GATAD2B: variants seen among roughly 807,000 people sequenced by gnomAD.
GATAD2B encodes the protein GATA zinc finger domain containing 2B.
In GATAD2B, 8 loss-of-function variants were observed where a neutral mutation model predicts 64.3. The observed-to-expected ratio is 0.12, with a 90% CI of 0.07 to 0.22. GATAD2B has a LOEUF of 0.22. Among genes scored for constraint, GATAD2B ranks in the 10% least tolerant of loss-of-function variants. The pLI is 1.00. For missense variants in GATAD2B, 453 were observed against 752.0 expected, an observed-to-expected ratio of 0.60 and a Z score of 4.65; for synonymous variants, 281 against 271.3, an observed-to-expected ratio of 1.04 and a Z score of -0.35.
chr1:153,826,491 G>A (rs1259802705), intron 2 of GATAD2B, among the ~76,000 whole-genome samples: 1 of 152,128 alleles, frequency 6.6e-6, no homozygotes, highest in Non-Finnish European at 1.5e-5. Flanking sequence ...AGCTGGGTGT[G>A]CAGGCACGCG....
At chr1:153,891,021 TA>T (rs1279889222) in intron 1 of GATAD2B, among the ~76,000 whole-genome samples, 2 of 151,644 alleles carry the variant, frequency 1.3e-5, no homozygotes, top group East Asian at 3.9e-4. Context: ...CCGTCTCTAC[TA>T]AAAATACAAA....
intron 2 of GATAD2B, among the ~76,000 whole-genome samples, chr1:153,821,809 G>T (rs1470897600): frequency 6.6e-6 from 1 of 150,784 alleles, no homozygotes; most frequent in Non-Finnish European, 1.5e-5. Context: ...CTCGTGATCT[G>T]CCTGCCTTGG....
At chr1:153,831,691 G>T (rs1675080712) in intron 1 of GATAD2B, among the ~76,000 whole-genome samples, 2 of 152,032 alleles carry the variant, frequency 1.3e-5, no homozygotes, top group Admixed American at 1.3e-4. Context: ...TCAGATGGAG[G>T]GACTAGAAAG....
intron 1 of GATAD2B, among the ~76,000 whole-genome samples, chr1:153,839,960 C>T (rs904351941): frequency 1.3e-5 from 2 of 150,774 alleles, no homozygotes; most frequent in Non-Finnish European, 2.9e-5. Flanking sequence ...GGCGACAAAG[C>T]GAGATTCTGT....
chr1:153,895,491 G>A (rs1411524014), intron 1 of GATAD2B, among the ~76,000 whole-genome samples: 1 of 150,628 alleles, frequency 6.6e-6, no homozygotes. Flanking sequence ...GATATGGGAG[G>A]ATCACTTAAG....
At chr1:153,826,905 C>T (rs890752090) in intron 2 of GATAD2B, among the ~76,000 whole-genome samples, 35 of 149,888 alleles carry the variant, frequency 2.3e-4, no homozygotes, top group African/African-American at 8.4e-4. Context: ...CATGCTACTG[C>T]ACTCAAGACT....
intron 1 of GATAD2B, among the ~76,000 whole-genome samples, chr1:153,861,793 A>AG (rs1488174987): frequency 1.2e-5 from 1 of 81,864 alleles, no homozygotes; most frequent in African/African-American, 4.0e-5. Flanking sequence ...AAAAAAAAAA[A>AG]AAATATATAT....
intron 1 of GATAD2B, among the ~76,000 whole-genome samples, chr1:153,909,735 C>T (rs1039977498): frequency 1.3e-5 from 2 of 149,158 alleles, no homozygotes; most frequent in South Asian, 2.1e-4. Context: ...GTCAGGAGTT[C>T]GAGACCAGCC....
chr1:153,876,773 C>T (rs184972746), intron 1 of GATAD2B, among the ~76,000 whole-genome samples: 26 of 152,280 alleles, frequency 1.7e-4, no homozygotes, highest in South Asian at 1.2e-3. Context: ...GAGGCCAAGG[C>T]GGGCAGATCA....
At chr1:153,912,706 A>T (rs981391872) in intron 1 of GATAD2B, among the ~76,000 whole-genome samples, 2 of 152,190 alleles carry the variant, frequency 1.3e-5, no homozygotes, top group African/African-American at 4.8e-5. Context: ...AAATTTTTTC[A>T]ATTTCTTTAC....
At chr1:153,851,441 T>C (rs1170466911) in intron 1 of GATAD2B, among the ~76,000 whole-genome samples, 1 of 152,124 alleles carries the variant, frequency 6.6e-6, no homozygotes, top group Non-Finnish European at 1.5e-5. Flanking sequence ...CTTCACTCCC[T>C]TGCCACTTAA....
chr1:153,866,581 AATCAATCCCAGTAATT>A (rs1380257067), intron 1 of GATAD2B, among the ~76,000 whole-genome samples: 2 of 152,154 alleles, frequency 1.3e-5, no homozygotes, highest in African/African-American at 2.4e-5. Flanking sequence ...TCCTATTATC[AATCAATCCCAGTAATT>A]ATTCTGCACT....
chr1:153,834,963 TA>T (rs869292002), intron 1 of GATAD2B, among the ~76,000 whole-genome samples: 26 of 143,208 alleles, frequency 1.8e-4, no homozygotes, highest in Admixed American at 2.8e-4. Flanking sequence ...CTACAGAAAA[TA>T]AAAAAAAAAA....
At chr1:153,877,010 C>T (rs901183709) in intron 1 of GATAD2B, among the ~76,000 whole-genome samples, 3 of 151,748 alleles carry the variant, frequency 2.0e-5, no homozygotes, top group African/African-American at 4.8e-5. Context: ...GGCGAGACTC[C>T]GCCTCAAAAA....
intron 1 of GATAD2B, among the ~76,000 whole-genome samples, chr1:153,876,564 G>A (rs1339645452): frequency 6.6e-6 from 1 of 152,134 alleles, no homozygotes; most frequent in Non-Finnish European, 1.5e-5. Flanking sequence ...TGTAAAGGTC[G>A]CTATGCTTAA....
chr1:153,822,584 C>T (rs982114860), intron 2 of GATAD2B, among the ~76,000 whole-genome samples: 5 of 152,100 alleles, frequency 3.3e-5, no homozygotes, highest in African/African-American at 9.7e-5. Flanking sequence ...GCAATCTCGG[C>T]GCACTGCAAC....
At chr1:153,878,093 T>G (rs1163929540) in intron 1 of GATAD2B, among the ~76,000 whole-genome samples, 1 of 151,238 alleles carries the variant, frequency 6.6e-6, no homozygotes, top group Non-Finnish European at 1.5e-5. Flanking sequence ...CTCCTTGGGG[T>G]GGGGAAATAA....
At chr1:153,910,053 T>C (rs752700291) in intron 1 of GATAD2B, among the ~76,000 whole-genome samples, 8 of 151,922 alleles carry the variant, frequency 5.3e-5, no homozygotes, top group Non-Finnish European at 5.9e-5. Flanking sequence ...AGGCAGAGGT[T>C]GCAGTGAGCC....
chr1:153,916,360 T>C (rs996327274), intron 1 of GATAD2B, among the ~76,000 whole-genome samples: 2 of 151,704 alleles, frequency 1.3e-5, no homozygotes, highest in African/African-American at 4.8e-5. Context: ...ATAAGAGCTG[T>C]TGAATGAGAA....
Sources: gnomAD v4.1 joint callset for allele counts (sites outside exome capture counted in the v4.1 genomes callset) on GRCh38, gnomAD v4.1.1 for gene constraint, MANE v1.5 for transcripts, NCBI Gene and HGNC (gene_info 2026-07-23, HGNC 2026-07-21) for gene names.